Variants in TBXAS1 observed in about 807,000 individuals in gnomAD.
The protein encoded by TBXAS1 is thromboxane A synthase 1.
TBXAS1 carries 48 observed loss-of-function variants against 60.7 expected under a neutral mutation model. The observed-to-expected ratio is 0.79, with a 90% CI of 0.63 to 1.01. The LOEUF is 1.01. TBXAS1 is among the 50% of genes least tolerant of loss of function. TBXAS1 has a pLI of 0.00. For synonymous variants in TBXAS1, 287 were observed against 269.7 expected (o/e 1.06, Z -0.63); for missense variants, 685 against 686.3 (o/e 1.00, Z 0.02).
intron 3 of TBXAS1, among the ~76,000 whole-genome samples, chr7:139,887,748 C>G (rs1473587530): frequency 2.0e-5 from 3 of 152,158 alleles, no homozygotes; most frequent in African/African-American, 4.8e-5. Context: ...GTGGAAATAC[C>G]TCTTTGAGAC....
intron 12 of TBXAS1, among the ~76,000 whole-genome samples, chr7:140,018,084 A>C (rs1815243410): frequency 6.6e-6 from 1 of 152,198 alleles, no homozygotes; most frequent in East Asian, 1.9e-4. Flanking sequence ...AGCCCTGGCA[A>C]GCCAACCCGA....
At chr7:139,937,518 G>T (rs1308418673) in intron 5 of TBXAS1, among the ~76,000 whole-genome samples, 1 of 151,934 alleles carries the variant, frequency 6.6e-6, no homozygotes, top group Non-Finnish European at 1.5e-5. Context: ...CATTTCCATG[G>T]GTAGCTGTTG....
At chr7:139,883,239 A>T (rs911234274) in intron 3 of TBXAS1, among the ~76,000 whole-genome samples, 2 of 152,096 alleles carry the variant, frequency 1.3e-5, no homozygotes, top group Non-Finnish European at 2.9e-5. Context: ...TAGACTCTTC[A>T]CCCTTACCTG....
At chr7:139,873,231 A>C (rs1246119833) in intron 2 of TBXAS1, among the ~76,000 whole-genome samples, 1 of 152,212 alleles carries the variant, frequency 6.6e-6, no homozygotes, top group Admixed American at 6.5e-5. Context: ...GACTGACTAG[A>C]GGCCAAATGC....
At chr7:139,908,047 A>C (rs1167992307) in intron 3 of TBXAS1, among the ~76,000 whole-genome samples, 1 of 151,688 alleles carries the variant, frequency 6.6e-6, no homozygotes. Context: ...TCTCTCTTTT[A>C]TCTTTGTTAG....
chr7:139,821,809 C>G (rs1190516466), intron 4 of TBXAS1, among the ~76,000 whole-genome samples: 1 of 152,242 alleles, frequency 6.6e-6, no homozygotes, highest in African/African-American at 2.4e-5. Context: ...CCCCTTTTCT[C>G]TAGGTCTTGT....
rs1215624001 is a variant in TBXAS1, at chr7:139,881,815, G to A, written c.236+6178G>A. ...TAGCTTCAAAGTTCACACCACAGGA[G>A]GGGGAGGTGTCTCATATGCCTCCAA... On this transcript the variant is annotated intron_variant, in intron 3 of 12. Coordinates refer to ENST00000448866, the MANE Select transcript of TBXAS1 (RefSeq NM_001061.7). 3.9e-5 allele frequency among the ~76,000 whole-genome samples: 6 copies of A among 152,184 alleles called. No individual in the cohort carries two copies. The East Asian group carries it at 1.2e-3, about 29-fold the overall frequency.
At chr7:139,851,849 C>T (rs980439352) in intron 1 of TBXAS1, among the ~76,000 whole-genome samples, 1 of 152,196 alleles carries the variant, frequency 6.6e-6, no homozygotes, top group Non-Finnish European at 1.5e-5. Flanking sequence ...AATTCACACC[C>T]TTGCATAGCT....
rs530586637 is a variant in TBXAS1, at chr7:139,780,226, A to C, written c.-317-514A>C. On this transcript the variant is annotated intron_variant, in intron 1 of 16. Transcript: ENST00000336425. ...AACTCCCTGTTAATACATACCCTAC[A>C]TGCATGTCTCTCTGCCCCTTTCTAG... Among the ~76,000 whole-genome samples, 39 of 152,322 alleles carry C rather than the reference A, an allele frequency of 2.6e-4. No individual in the cohort carries two copies. The South Asian group carries it at 8.1e-3, about 32-fold the overall frequency.
chr7:139,904,681 C>T (rs1181426610), intron 3 of TBXAS1, among the ~76,000 whole-genome samples: 1 of 152,074 alleles, frequency 6.6e-6, no homozygotes, highest in African/African-American at 2.4e-5. Context: ...TAGGTATATT[C>T]CTAAGTATTT....
Position 139,955,511 on chromosome 7 carries a change from C to G in TBXAS1, c.592C>G (p.Pro198Ala), listed in dbSNP as rs138612126. ...DVVASVAFGT[P>A]VDSWQAPEDP... ...GGTTGCCAGCGTCGCCTTTGGCACC[C>G]CGGTGGACTCCTGGCAGGCCCCTGA... The change falls in exon 7 of 13, where the codon CCG (proline) becomes GCG (alanine). Residue 198 changes from proline (P) to alanine (A), a missense_variant. Pro to Ala is a conservative substitution (Grantham distance 27). Coordinates refer to ENST00000448866, the MANE Select transcript of TBXAS1 (RefSeq NM_001061.7). 375 of 1,614,226 alleles carry G rather than the reference C, an allele frequency of 2.3e-4. 1 individual carries two copies. The African/African-American group carries it at 4.6e-3, about 20-fold the overall frequency.
chr7:139,890,863 C>T (rs1422285002), intron 3 of TBXAS1, among the ~76,000 whole-genome samples: 1 of 152,152 alleles, frequency 6.6e-6, no homozygotes, highest in Non-Finnish European at 1.5e-5. Context: ...CCCTTCCCAT[C>T]CCCAATAGTC....
intron 3 of TBXAS1, among the ~76,000 whole-genome samples, chr7:139,899,587 A>G (rs1584801134): frequency 2.0e-5 from 3 of 152,350 alleles, no homozygotes; most frequent in South Asian, 4.1e-4. Context: ...GAGTTGAATA[A>G]GTGAATTCTT....
intron 11 of TBXAS1, among the ~76,000 whole-genome samples, chr7:140,016,100 G>T (rs564342336): frequency 6.6e-6 from 1 of 152,062 alleles, no homozygotes; most frequent in Non-Finnish European, 1.5e-5. Flanking sequence ...AGGCCAAGGT[G>T]GGCAGATCAC....
At position 139,916,017 on chromosome 7, in the gene TBXAS1, ATCT is replaced by A. The variant is rs770973098; in HGVS notation, c.333+4701_333+4703del. Among the ~76,000 whole-genome samples the A allele has an allele frequency of 2.7e-4, 41 of 152,082 alleles. No individual in the cohort carries two copies. Among genetic ancestry groups the A allele is most frequent in the Non-Finnish European group, 3.5e-4 (24 of 68,002 alleles). ...ACAGCTTATCATTAAACCCAAATCA[ATCT>A]TCTTGGCACTTATAGAAGCTCAGTC... On this transcript the variant is annotated intron_variant, in intron 4 of 12. Coordinates refer to ENST00000448866, the MANE Select transcript of TBXAS1 (RefSeq NM_001061.7). The surrounding 1 kb of genome is among the most constrained non-coding windows in gnomAD (Gnocchi z 4.2).
chr7:139,979,295 C>T (rs749542593), intron 9 of TBXAS1, among the ~76,000 whole-genome samples: 3 of 152,130 alleles, frequency 2.0e-5, no homozygotes, highest in Non-Finnish European at 4.4e-5. Context: ...GACATTAGAG[C>T]GAATAAATGG....
chr7:139,836,846 G>A (rs191373285), intron 1 of TBXAS1, among the ~76,000 whole-genome samples: 1 of 152,290 alleles, frequency 6.6e-6, no homozygotes, highest in East Asian at 1.9e-4. Context: ...CTTCTGCATA[G>A]CAAAAGGAAC....
chr7:139,951,696 C>G (rs1435001303), intron 5 of TBXAS1, among the ~76,000 whole-genome samples: 1 of 147,328 alleles, frequency 6.8e-6, no homozygotes, highest in African/African-American at 2.5e-5. Context: ...TCACTTGAAC[C>G]TGGGAGGCAG....
intron 3 of TBXAS1, among the ~76,000 whole-genome samples, chr7:139,883,206 A>G (rs555404268): frequency 1.3e-4 from 20 of 152,110 alleles, no homozygotes; most frequent in Admixed American, 5.2e-4. Context: ...TTTGAGTCCC[A>G]CTTTTCTTGA....
Sources: gnomAD v4.1 joint callset for allele counts (sites outside exome capture counted in the v4.1 genomes callset) on GRCh38, gnomAD v4.1.1 for gene constraint, Gnocchi (gnomAD v3.1) non-coding constraint, MANE v1.5 for transcripts, NCBI Gene and HGNC (gene_info 2026-07-23, HGNC 2026-07-21) for gene names.